TTC29: variants seen among roughly 807,000 people sequenced by gnomAD.
TTC29 encodes tetratricopeptide repeat protein 29.
Under a neutral mutation model 58.1 loss-of-function variants are expected in TTC29, and 49 were observed. The observed-to-expected ratio is 0.84, with a 90% CI of 0.67 to 1.07. The LOEUF (loss-of-function observed/expected upper bound fraction) is 1.07, where lower values mean the gene tolerates loss of function less well. TTC29 is among the 50% of genes least tolerant of loss of function. The pLI is 0.00. For synonymous variants in TTC29, 209 were observed against 196.8 expected, an observed-to-expected ratio of 1.06 and a Z score of -0.52; for missense variants, 582 against 555.6, an observed-to-expected ratio of 1.05 and a Z score of -0.48.
intron 11 of TTC29, among the ~76,000 whole-genome samples, chr4:146,740,545 C>A (rs1174512938): frequency 6.6e-6 from 1 of 151,920 alleles, no homozygotes; most frequent in Admixed American, 6.6e-5. Flanking sequence ...TCTCCTAGCA[C>A]CTAGCTCAGG....
intron 9 of TTC29, among the ~76,000 whole-genome samples, chr4:146,830,974 T>C (rs996018480): frequency 6.6e-6 from 1 of 152,208 alleles, no homozygotes; most frequent in Non-Finnish European, 1.5e-5. Context: ...AAAATCTGCC[T>C]GTTAGTAGAT....
chr4:146,831,471 A>T (rs1279805010), intron 9 of TTC29, among the ~76,000 whole-genome samples: 3 of 152,186 alleles, frequency 2.0e-5, no homozygotes, highest in African/African-American at 4.8e-5. Context: ...TGCTCCTTTA[A>T]ATGTTTGCCC....
intron 4 of TTC29, among the ~76,000 whole-genome samples, chr4:146,923,624 G>A (rs766733988): frequency 1.3e-4 from 20 of 151,776 alleles, no homozygotes; most frequent in Non-Finnish European, 2.4e-4. Context: ...GTGAAGAGAC[G>A]CCGCTGTCAA....
At chr4:146,850,195 C>CA (rs1433287785) in intron 8 of TTC29, among the ~76,000 whole-genome samples, 17 of 152,166 alleles carry the variant, frequency 1.1e-4, no homozygotes, top group African/African-American at 4.1e-4. Context: ...CTTAAGACTA[C>CA]ATGTGTGAGC....
chr4:146,862,567 T>C (rs1293285706), intron 8 of TTC29, among the ~76,000 whole-genome samples: 1 of 152,196 alleles, frequency 6.6e-6, no homozygotes, highest in Non-Finnish European at 1.5e-5. Flanking sequence ...AGACATTGCC[T>C]TCAAATCTGA....
chr4:146,795,158 T>C (rs1366272833), intron 11 of TTC29, among the ~76,000 whole-genome samples: 1 of 152,072 alleles, frequency 6.6e-6, no homozygotes, highest in Non-Finnish European at 1.5e-5. Flanking sequence ...GTGAAAAGAT[T>C]TGGGTATGGT....
chr4:146,941,757 C>T (rs942680381), intron 2 of TTC29, among the ~76,000 whole-genome samples: 13 of 152,132 alleles, frequency 8.5e-5, no homozygotes, highest in Non-Finnish European at 1.8e-4. Flanking sequence ...AGAATTGACA[C>T]GATCTGACTT....
At chr4:146,829,818 A>G (rs1386845556) in intron 9 of TTC29, among the ~76,000 whole-genome samples, 2 of 152,204 alleles carry the variant, frequency 1.3e-5, no homozygotes, top group Non-Finnish European at 2.9e-5. Flanking sequence ...GAATAAACCC[A>G]GAGATGGGTT....
At chr4:146,878,240 T>C (rs907239687) in intron 6 of TTC29, among the ~76,000 whole-genome samples, 1 of 152,204 alleles carries the variant, frequency 6.6e-6, no homozygotes, top group African/African-American at 2.4e-5. Context: ...CTTTCAGGGC[T>C]AGTATCAATA....
At chr4:146,762,760 G>A (rs897025746) in intron 11 of TTC29, among the ~76,000 whole-genome samples, 14 of 151,910 alleles carry the variant, frequency 9.2e-5, no homozygotes, top group Non-Finnish European at 1.9e-4. Context: ...GGATATAACC[G>A]AAGTATAATT....
intron 4 of TTC29, among the ~76,000 whole-genome samples, chr4:146,918,915 C>T: frequency 1.3e-5 from 2 of 151,060 alleles, no homozygotes; most frequent in Non-Finnish European, 3.0e-5. Context: ...TAAAAAAATA[C>T]TGTTTGTTTT....
intron 6 of TTC29, among the ~76,000 whole-genome samples, chr4:146,880,514 A>G (rs1327404777): frequency 6.6e-6 from 1 of 152,130 alleles, no homozygotes; most frequent in African/African-American, 2.4e-5. Flanking sequence ...TGTAGGGAAA[A>G]TAAGATTTTA....
chr4:146,942,098 A>T (rs1458139847), intron 2 of TTC29, among the ~76,000 whole-genome samples: 3 of 152,294 alleles, frequency 2.0e-5, no homozygotes, highest in Non-Finnish European at 2.9e-5. Context: ...CCTAAAAATA[A>T]TTTTTTACAT....
intron 9 of TTC29, chr4:146,831,875 C>T (rs545482294): frequency 8.3e-6 from 2 of 241,342 alleles, no homozygotes; most frequent in East Asian, 2.0e-4. Flanking sequence ...ATTGTAAGCG[C>T]TTAGTAGATG....
intron 8 of TTC29, among the ~76,000 whole-genome samples, chr4:146,854,848 T>C (rs1318731101): frequency 6.6e-6 from 1 of 152,220 alleles, no homozygotes; most frequent in Non-Finnish European, 1.5e-5. Context: ...ATTAAATTCC[T>C]CCCTCGAAAT....
chr4:146,869,588 A>G (rs1730795184), intron 7 of TTC29, among the ~76,000 whole-genome samples: 1 of 152,068 alleles, frequency 6.6e-6, no homozygotes, highest in South Asian at 2.1e-4. Flanking sequence ...CTTATTAGAG[A>G]GTTAAAAGTT....
intron 8 of TTC29, among the ~76,000 whole-genome samples, chr4:146,853,157 T>C (rs1026122909): frequency 2.0e-5 from 3 of 152,234 alleles, no homozygotes; most frequent in Admixed American, 1.3e-4. Flanking sequence ...TTTTCTTTTA[T>C]TTTTTATTAC....
At chr4:146,755,282 A>C (rs547029781) in intron 11 of TTC29, among the ~76,000 whole-genome samples, 4 of 152,216 alleles carry the variant, frequency 2.6e-5, no homozygotes, top group African/African-American at 4.8e-5. Context: ...AATATTGTTA[A>C]AATGTCCATA....
chr4:146,766,003 T>A (rs1747291322), intron 11 of TTC29, among the ~76,000 whole-genome samples: 1 of 151,996 alleles, frequency 6.6e-6, no homozygotes, highest in African/African-American at 2.4e-5. Context: ...AAAGGTAAGT[T>A]AGGGGCTTCA....
Sources: allele counts gnomAD v4.1 joint callset (sites outside exome capture counted in the v4.1 genomes callset), GRCh38; gene constraint gnomAD v4.1.1; transcripts MANE v1.5; gene names NCBI Gene and HGNC (gene_info 2026-07-23, HGNC 2026-07-21).